The following CAPN14 variants were observed in gnomAD, a reference collection of about 807,000 sequenced individuals.
CAPN14 encodes calpain-14.
In CAPN14, 94 loss-of-function variants were observed where a neutral mutation model predicts 101.3. The ratio of observed to expected loss-of-function variants is 0.93; its 90% confidence interval spans 0.79 to 1.10. The LOEUF is 1.10. Among genes scored for constraint, CAPN14 ranks in the 50% least tolerant of loss-of-function variants. CAPN14 has a pLI of 0.00. For missense variants in CAPN14, 837 were observed against 828.4 expected (o/e 1.01, Z -0.13); for synonymous variants, 338 against 317.9 (o/e 1.06, Z -0.67).
chr2:31,222,751 A>G (rs764211999), intron 2 of CAPN14, among the ~76,000 whole-genome samples: 3 of 152,168 alleles, frequency 2.0e-5, no homozygotes, highest in Non-Finnish European at 4.4e-5. Flanking sequence ...TCCAAGTGAA[A>G]GTGTCAGAAA....
chr2:31,180,887 G>C (rs1388033101), intron 17 of CAPN14, 49 bp downstream of exon 17: 5 of 1,473,886 alleles, frequency 3.4e-6, no homozygotes, highest in East Asian at 2.5e-5. Flanking sequence ...GCTCCAGAGT[G>C]AAGCTCTCAA....
chr2:31,202,650 TG>T (rs1335284977), intron 3 of CAPN14, among the ~76,000 whole-genome samples: 5 of 152,176 alleles, frequency 3.3e-5, no homozygotes, highest in Non-Finnish European at 7.4e-5. Flanking sequence ...TCACTGGACT[TG>T]GCTGAGCCTT....
chr2:31,196,842 G>A (rs1171198353), intron 8 of CAPN14, among the ~76,000 whole-genome samples: 1 of 152,202 alleles, frequency 6.6e-6, no homozygotes, highest in Non-Finnish European at 1.5e-5. Flanking sequence ...AACCATGCCA[G>A]GGAAAGACAC....
At chr2:31,200,370 C>A in intron 6 of CAPN14, 81 bp downstream of exon 6, 1 of 1,317,976 alleles carries the variant, frequency 7.6e-7, no homozygotes, top group Non-Finnish European at 1.0e-6. Flanking sequence ...TGAGCCCACA[C>A]CCAGGTGAGG....
intron 5 of CAPN14, 84 bp downstream of exon 5, chr2:31,201,778 T>A: frequency 1.3e-6 from 2 of 1,498,974 alleles, no homozygotes; most frequent in Non-Finnish European, 1.8e-6. Flanking sequence ...TTCATAAACT[T>A]TACCTGACTC....
In CAPN14 at chr2:31,205,313, T is replaced by C; in HGVS notation, c.135A>G (p.Glu45=). The change falls in exon 2 of 22, where the codon GAA becomes GAG. Residue 45 remains glutamate, a synonymous_variant. Coordinates refer to ENST00000403897, the MANE Select transcript of CAPN14 (RefSeq NM_001145122.2). ...AECLRNGCLF[E]DTSFPATLSS... The stretch of plus-strand genomic sequence containing the variant: ...TCAGGGTGGCCGGGAAGCTGGTGTC[T>C]TCAAAGAGGCAGCCATTCCTCAGGC... 1 of 1,550,870 alleles carries C rather than the reference T, an allele frequency of 6.4e-7. No homozygotes were observed. Among genetic ancestry groups the C allele is most frequent in the Non-Finnish European group, 8.7e-7 (1 of 1,146,974 alleles).
Position 31,178,644 on chromosome 2 carries a change from C to A in CAPN14, c.1711-65G>T. 2.8e-6 allele frequency: 3 copies of A among 1,062,708 alleles called. No individual in the cohort carries two copies. The South Asian group carries it at 5.1e-5, about 18-fold the overall frequency. 65.8% of individuals were successfully genotyped at this position (1,062,708 alleles called of 1,614,324 possible). On this transcript the variant is annotated intron_variant, in intron 17 of 21. Coordinates refer to ENST00000403897, the MANE Select transcript of CAPN14 (RefSeq NM_001145122.2). The stretch of plus-strand genomic sequence containing the variant: ...CTATCCATGCTTTGGAGGCAGTGAT[C>A]AGCCCTCCACAAAGTGATGTGCAAT...
At chr2:31,225,944 TA>T (rs942796240) in intron 2 of CAPN14, among the ~76,000 whole-genome samples, 3 of 152,100 alleles carry the variant, frequency 2.0e-5, no homozygotes, top group Non-Finnish European at 4.4e-5. Flanking sequence ...TAAGAAATTT[TA>T]AAAACATACT....
chr2:31,194,385 T>A, intron 9 of CAPN14, 24 bp downstream of exon 9: 1 of 1,534,640 alleles, frequency 6.5e-7, no homozygotes, highest in Non-Finnish European at 8.8e-7. Flanking sequence ...CCAGGACATT[T>A]GTCCAAGTCC....
chr2:31,178,363 A>G (rs1182732125), intron 18 of CAPN14, 148 bp downstream of exon 18: 1 of 651,186 alleles, frequency 1.5e-6, no homozygotes, highest in African/African-American at 1.8e-5. Flanking sequence ...AGAGACCAAT[A>G]GAGGAAATGC....
At chr2:31,220,542 C>T (rs533955227), upstream of CAPN14, among the ~76,000 whole-genome samples, 4 of 152,272 alleles carry the variant, frequency 2.6e-5, no homozygotes, top group South Asian at 2.1e-4. Context: ...AACTAACTGA[C>T]GGCCAGGCAT....
At chr2:31,186,284 T>C in intron 16 of CAPN14, 144 bp downstream of exon 16, 1 of 486,538 alleles carries the variant, frequency 2.1e-6, no homozygotes, top group South Asian at 5.1e-5. Context: ...TCAGATCACA[T>C]AATCCACCTT....
chr2:31,178,867 A>AT (rs1454252571), intron 17 of CAPN14, among the ~76,000 whole-genome samples: 1 of 151,966 alleles, frequency 6.6e-6, no homozygotes, highest in African/African-American at 2.4e-5. Context: ...GGGAGGCAGA[A>AT]TTTTTTTAAT....
intron 9 of CAPN14, among the ~76,000 whole-genome samples, chr2:31,194,201 C>T (rs773876501): frequency 3.9e-5 from 6 of 152,202 alleles, no homozygotes; most frequent in Non-Finnish European, 5.9e-5. Context: ...GAGCTCCACC[C>T]TAGTGGCCTC....
At position 31,194,460 on chromosome 2, in the gene CAPN14, C is replaced by T; in HGVS notation, c.899G>A (p.Ser300Asn). 6.4e-7 allele frequency: 1 copy of T among 1,551,422 alleles called. No homozygotes were observed. Among genetic ancestry groups the T allele is most frequent in the Non-Finnish European group, 8.7e-7 (1 of 1,146,792 alleles). ...CAGAAGCAGAATCTTCTCCTTGGGG[C>T]TCAGCAGCTCCCATTTACTTGAACT... is the stretch of plus-strand genomic sequence containing the variant. ...SDSSSKWELL[S>N]PKEKILLLRK... Residue 300 changes from serine (S) to asparagine (N), a missense_variant, in exon 9 of 22, where the codon AGC (serine) becomes AAC (asparagine). Ser to Asn is a conservative substitution (Grantham distance 46). Coordinates refer to ENST00000403897, the MANE Select transcript of CAPN14 (RefSeq NM_001145122.2).
intron 12 of CAPN14, among the ~76,000 whole-genome samples, chr2:31,190,835 A>G (rs1469615359): frequency 2.6e-5 from 4 of 152,328 alleles, no homozygotes; most frequent in African/African-American, 9.6e-5. Context: ...ATAAAATAAT[A>G]GCTGCCTCCC....
intron 19 of CAPN14, among the ~76,000 whole-genome samples, chr2:31,177,439 G>A (rs897831883): frequency 1.2e-4 from 19 of 152,132 alleles, no homozygotes; most frequent in Admixed American, 5.9e-4. Flanking sequence ...ACCTGCTTGG[G>A]AGCCCGGCAG....
At chr2:31,198,269 G>A (rs1425676612) in intron 7 of CAPN14, among the ~76,000 whole-genome samples, 1 of 152,176 alleles carries the variant, frequency 6.6e-6, no homozygotes, top group East Asian at 1.9e-4. Flanking sequence ...GCTCCGAGTT[G>A]TCCTGCCTTT....
intron 1 of CAPN14, among the ~76,000 whole-genome samples, chr2:31,215,740 C>T (rs1454425951): frequency 1.3e-5 from 2 of 151,344 alleles, no homozygotes; most frequent in South Asian, 4.2e-4. Flanking sequence ...AAGACTTGGC[C>T]GGTCATTTTA....
Sources: allele counts gnomAD v4.1 joint callset (sites outside exome capture counted in the v4.1 genomes callset), GRCh38; gene constraint gnomAD v4.1.1; transcripts MANE v1.5; gene names NCBI Gene and HGNC (gene_info 2026-07-23, HGNC 2026-07-21).